CDH18: variants seen among roughly 807,000 people sequenced by gnomAD.
CDH18 encodes cadherin 18.
A neutral mutation model predicts 67.9 loss-of-function variants in CDH18; 31 were observed. The ratio of observed to expected loss-of-function variants is 0.46; its 90% CI spans 0.34 to 0.62. The LOEUF (loss-of-function observed/expected upper bound fraction) is 0.62. Among genes scored for constraint, CDH18 ranks in the 20% least tolerant of loss-of-function variants. The probability of loss-of-function intolerance (pLI) is 0.01; values close to 1 mark genes in which losing one functional copy is unlikely to be tolerated. For synonymous variants in CDH18, 362 were observed against 347.2 expected (o/e 1.04, Z -0.48); for missense variants, 890 against 975.5 (o/e 0.91, Z 1.17).
intron 1 of CDH18, among the ~76,000 whole-genome samples, chr5:20,547,131 C>G (rs752766638): frequency 1.3e-5 from 2 of 151,906 alleles, no homozygotes; most frequent in African/African-American, 2.4e-5. Flanking sequence ...ATTTAAGGAA[C>G]ATAAATTTAA....
chr5:20,356,818 T>C (rs1580821939), intron 1 of CDH18, among the ~76,000 whole-genome samples: 2 of 149,362 alleles, frequency 1.3e-5, no homozygotes, highest in East Asian at 4.0e-4. Context: ...TATGTATATA[T>C]ACACATATAT....
At chr5:19,664,474 T>C (rs1757630321) in intron 5 of CDH18, among the ~76,000 whole-genome samples, 1 of 151,710 alleles carries the variant, frequency 6.6e-6, no homozygotes, top group South Asian at 2.1e-4. Context: ...CAAAATTCAA[T>C]CTCAGTAAAA....
At chr5:19,616,917 G>C (rs1749928834) in intron 5 of CDH18, among the ~76,000 whole-genome samples, 1 of 152,076 alleles carries the variant, frequency 6.6e-6, no homozygotes, top group African/African-American at 2.4e-5. Context: ...AGAGGAGGAT[G>C]GGGAATCTCC....
intron 2 of CDH18, among the ~76,000 whole-genome samples, chr5:20,145,220 ATG>A (rs906209431): frequency 1.5e-4 from 23 of 152,306 alleles, no homozygotes; most frequent in African/African-American, 5.3e-4. Context: ...TTTTTGATAT[ATG>A]TGAGATACCT....
chr5:19,878,502 CTGAGT>C (rs111966193), intron 2 of CDH18, among the ~76,000 whole-genome samples: 3 of 152,122 alleles, frequency 2.0e-5, no homozygotes, highest in African/African-American at 7.2e-5. Flanking sequence ...TGTCTGCTTC[CTGAGT>C]TATTTCTGTG....
At chr5:19,547,486 T>A (rs748198093) in intron 8 of CDH18, among the ~76,000 whole-genome samples, 3 of 152,200 alleles carry the variant, frequency 2.0e-5, no homozygotes, top group Non-Finnish European at 4.4e-5. Flanking sequence ...ACCTTACAAC[T>A]GTCAGTCTGG....
intron 1 of CDH18, among the ~76,000 whole-genome samples, chr5:20,397,977 A>T (rs1032088293): frequency 6.6e-6 from 1 of 152,200 alleles, no homozygotes; most frequent in Non-Finnish European, 1.5e-5. Flanking sequence ...AAATTAATTT[A>T]AATTGAATAA....
At chr5:20,024,230 A>C (rs1295970725) in intron 2 of CDH18, among the ~76,000 whole-genome samples, 1 of 152,220 alleles carries the variant, frequency 6.6e-6, no homozygotes, top group Non-Finnish European at 1.5e-5. Flanking sequence ...AAATGTAAAT[A>C]TTTGTTTGGC....
At chr5:20,560,468 TACACACACACACACACACACACAC>T (rs547246325) in intron 1 of CDH18, among the ~76,000 whole-genome samples, 5 of 127,604 alleles carry the variant, frequency 3.9e-5, no homozygotes, top group East Asian at 5.1e-4. Flanking sequence ...CCAACACTCA[TACACACACACACACACACACACAC>T]ACACACACAC....
At chr5:20,089,066 G>A (rs1471969902) in intron 2 of CDH18, among the ~76,000 whole-genome samples, 1 of 152,048 alleles carries the variant, frequency 6.6e-6, no homozygotes, top group East Asian at 1.9e-4. Flanking sequence ...AGATAGACTA[G>A]TGAATATTTT....
At chr5:19,782,130 T>C (rs924010559) in intron 3 of CDH18, among the ~76,000 whole-genome samples, 3 of 152,120 alleles carry the variant, frequency 2.0e-5, no homozygotes, top group African/African-American at 7.2e-5. Context: ...GACTGGGTGA[T>C]TTATAAAGGA....
At chr5:19,994,199 G>A (rs1800139205) in intron 2 of CDH18, among the ~76,000 whole-genome samples, 1 of 151,164 alleles carries the variant, frequency 6.6e-6, no homozygotes, top group Non-Finnish European at 1.5e-5. Flanking sequence ...CTGGTGGGGT[G>A]TATATCTATA....
At chr5:20,081,015 A>AT (rs1049701344) in intron 2 of CDH18, among the ~76,000 whole-genome samples, 2 of 152,124 alleles carry the variant, frequency 1.3e-5, no homozygotes, top group Non-Finnish European at 2.9e-5. Context: ...TTTAAAAAAG[A>AT]TTTTTTATTT....
intron 2 of CDH18, among the ~76,000 whole-genome samples, chr5:20,148,855 A>G (rs1172224090): frequency 2.0e-5 from 3 of 152,114 alleles, no homozygotes; most frequent in Non-Finnish European, 4.4e-5. Flanking sequence ...TTCCATTTAG[A>G]CAGCAAGAAA....
intron 2 of CDH18, among the ~76,000 whole-genome samples, chr5:20,021,814 C>T (rs1450116586): frequency 1.3e-5 from 2 of 152,302 alleles, no homozygotes; most frequent in Middle Eastern, 3.4e-3. Flanking sequence ...AACTAACACA[C>T]ATGTAATCTC....
chr5:19,916,336 C>T (rs1791792411), intron 2 of CDH18, among the ~76,000 whole-genome samples: 1 of 152,120 alleles, frequency 6.6e-6, no homozygotes, highest in African/African-American at 2.4e-5. Context: ...TATTCTTCTG[C>T]AAGAAATCTT....
rs1284602947 is a variant in CDH18 at position 20,545,259 on chromosome 5, G to A, written c.-580+30203C>T. ...ACTTGTGGATTTCTAGGTTCATGGT[G>A]CAAGTTGTCATTGGATATACATTTC... is the stretch of plus-strand genomic sequence containing the variant. On this transcript the variant is annotated intron_variant, in intron 1 of 14. Transcript: ENST00000507958. Among the ~76,000 whole-genome samples the A allele has an allele frequency of 7.9e-5, 12 of 152,176 alleles. 1 individual carries two copies. Among genetic ancestry groups the A allele is most frequent in the Admixed American group, 3.9e-4 (6 of 15,282 alleles).
chr5:19,778,272 G>T (rs563057612), intron 3 of CDH18, among the ~76,000 whole-genome samples: 1 of 152,058 alleles, frequency 6.6e-6, no homozygotes, highest in Non-Finnish European at 1.5e-5. Context: ...TTCCCTCCCC[G>T]CAGCCAATAT....
intron 5 of CDH18, among the ~76,000 whole-genome samples, chr5:19,705,128 A>G (rs1763782560): frequency 6.6e-6 from 1 of 152,144 alleles, no homozygotes; most frequent in Admixed American, 6.6e-5. Flanking sequence ...CTCGTAAAAA[A>G]TTTTCACAGT....
Sources: allele counts gnomAD v4.1 joint callset (sites outside exome capture counted in the v4.1 genomes callset), GRCh38; gene constraint gnomAD v4.1.1; transcripts MANE v1.5; gene names NCBI Gene and HGNC (gene_info 2026-07-23, HGNC 2026-07-21).